SRGAP3: variants seen among roughly 807,000 people sequenced by gnomAD.
The protein encoded by SRGAP3 is SLIT-ROBO Rho GTPase activating protein 3.
SRGAP3 carries 39 observed loss-of-function variants against 121.1 expected under a neutral mutation model. The observed-to-expected ratio is 0.32, with a 90% CI of 0.25 to 0.42. The LOEUF (loss-of-function observed/expected upper bound fraction) is 0.42. SRGAP3 is among the 10% of genes least tolerant of loss of function. The pLI, the probability that SRGAP3 is intolerant of heterozygous loss-of-function variation, is 1.00. For synonymous variants in SRGAP3, 601 were observed against 570.0 expected (o/e 1.05, Z -0.77); for missense variants, 1,213 against 1,470.6 (o/e 0.82, Z 2.86).
In SRGAP3 at chr3:9,315,762, G is replaced by A. The variant is rs73811467; in HGVS notation, n.442+10248C>T. Among the ~76,000 whole-genome samples, 924 of 152,070 alleles carry A rather than the reference G, an allele frequency of 6.1e-3. 10 individuals are homozygous for A. Among genetic ancestry groups the A allele is most frequent in the African/African-American group, 0.021 (878 of 41,460 alleles). On this transcript the variant is annotated intron_variant and non_coding_transcript_variant, in intron 3 of 3. Transcript: ENST00000490889. ...TGCTTAAACCACTGAAAATGTGAGC[G>A]CCTAAATGATGATAATGATTTTTCT...
At chr3:9,178,159 T>G (rs1004531859) in intron 1 of SRGAP3, among the ~76,000 whole-genome samples, 7 of 152,050 alleles carry the variant, frequency 4.6e-5, no homozygotes, top group African/African-American at 1.7e-4. Flanking sequence ...TCTCAGCTAC[T>G]AGGGAGGATG....
chr3:9,354,794 T>C (rs2030404218), intron 1 of SRGAP3, among the ~76,000 whole-genome samples: 1 of 152,128 alleles, frequency 6.6e-6, no homozygotes, highest in South Asian at 2.1e-4. Flanking sequence ...TGTGTCACTA[T>C]ATCTGATATG....
Position 9,013,456 on chromosome 3 carries a change from G to A in SRGAP3, c.1999C>T (p.Pro667Ser). Residue 667 changes from proline to serine, a missense_variant, in exon 17 of 22, where the codon CCT (proline) becomes TCT (serine). By Grantham distance (74) the Pro-to-Ser change is moderately conservative. Transcript: ENST00000383836. ...CAGGACACAGGGTCCTGCCCATCAG[G>A]GATGTGCATGAGGGTAGGCCCGAAG... ...ICFGPTLMHI[P>S]DGQDPVSCQA... is the part of the protein sequence containing the mutation. 6.2e-7 allele frequency: 1 copy of A among 1,614,038 alleles called. No individual in the cohort carries two copies. The highest frequency in any genetic ancestry group is 8.5e-7 in the Non-Finnish European group (1 of 1,179,992).
intron 1 of SRGAP3, among the ~76,000 whole-genome samples, chr3:9,356,426 G>T (rs996213552): frequency 1.4e-5 from 2 of 140,786 alleles, no homozygotes; most frequent in African/African-American, 5.5e-5. Flanking sequence ...AGGCTGGAGT[G>T]CAGTGGCGCA....
intron 3 of SRGAP3, among the ~76,000 whole-genome samples, chr3:9,100,693 A>G (rs1948183212): frequency 6.6e-6 from 1 of 152,214 alleles, no homozygotes; most frequent in Admixed American, 6.5e-5. Flanking sequence ...GCTGACTGAG[A>G]GTTCACTGTG....
chr3:9,353,495 T>C (rs2030310756), intron 1 of SRGAP3, among the ~76,000 whole-genome samples: 1 of 152,226 alleles, frequency 6.6e-6, no homozygotes, highest in Admixed American at 6.5e-5. Context: ...GAAGAATAAA[T>C]TTCATATACA....
intron 18 of SRGAP3, among the ~76,000 whole-genome samples, chr3:8,996,008 C>A (rs1289303146): frequency 2.0e-5 from 3 of 152,152 alleles, no homozygotes; most frequent in Admixed American, 2.0e-4. Flanking sequence ...TATTCATCCA[C>A]CTGTCCATCA....
intron 1 of SRGAP3, among the ~76,000 whole-genome samples, chr3:9,227,986 C>T (rs978638496): frequency 6.6e-6 from 1 of 152,160 alleles, no homozygotes; most frequent in Non-Finnish European, 1.5e-5. Context: ...CCATCACAGA[C>T]ATAGAATGGT....
chr3:9,005,676 T>C (rs967679997), intron 18 of SRGAP3, among the ~76,000 whole-genome samples: 2 of 152,168 alleles, frequency 1.3e-5, no homozygotes, highest in African/African-American at 2.4e-5. Context: ...GTTATATAAT[T>C]CCATTTATAT....
At chr3:9,207,049 T>C (rs952165191) in intron 1 of SRGAP3, among the ~76,000 whole-genome samples, 1 of 152,124 alleles carries the variant, frequency 6.6e-6, no homozygotes, top group African/African-American at 2.4e-5. Flanking sequence ...TGACCAACCA[T>C]CAAGGCTCAG....
intron 1 of SRGAP3, among the ~76,000 whole-genome samples, chr3:9,341,893 C>T (rs1955793802): frequency 6.6e-6 from 1 of 152,074 alleles, no homozygotes; most frequent in Non-Finnish European, 1.5e-5. Flanking sequence ...GTCGGTAAGG[C>T]CAAGAGACAT....
chr3:9,304,876 T>C (rs992835566), intron 3 of SRGAP3, among the ~76,000 whole-genome samples: 1 of 152,298 alleles, frequency 6.6e-6, no homozygotes, highest in East Asian at 1.9e-4. Flanking sequence ...ATCTGACAGA[T>C]ACCATTCTCC....
intron 1 of SRGAP3, among the ~76,000 whole-genome samples, chr3:9,191,054 A>G (rs1442049753): frequency 6.6e-6 from 1 of 152,138 alleles, no homozygotes; most frequent in Non-Finnish European, 1.5e-5. Context: ...TACAGAAAAA[A>G]AAAGAAGTTT....
chr3:8,983,692 A>G lies in SRGAP3; in HGVS notation c.*1827T>C, dbSNP rs1941538324. On this transcript the variant is annotated 3_prime_UTR_variant, in exon 22 of 22. Coordinates refer to ENST00000383836, the MANE Select transcript of SRGAP3 (RefSeq NM_014850.4). ...GCTCTGATCTAAGACTTACCTTACTAATGATAATCACAAACGCATTGTATT... is the reference window on the plus strand; with the variant it reads ...GCTCTGATCTAAGACTTACCTTACTGATGATAATCACAAACGCATTGTATT... 4.3e-6 allele frequency: 1 copy of G among 231,016 alleles called. No individual in the cohort carries two copies. 14.3% of individuals were successfully genotyped at this position (231,016 alleles called of 1,614,324 possible). A position where few individuals can be genotyped will look rare whatever the true frequency, so the allele number is the denominator to read the frequency against.
intron 3 of SRGAP3, among the ~76,000 whole-genome samples, chr3:9,315,563 T>C (rs747923907): frequency 6.6e-6 from 1 of 152,176 alleles, no homozygotes. Context: ...CAATAACCTC[T>C]TACGTGAAGT....
In SRGAP3 at chr3:9,143,214, G is replaced by A. The variant is rs930013564; in HGVS notation, c.68-18297C>T. Among the ~76,000 whole-genome samples, 12 of 152,200 alleles carry A rather than the reference G, an allele frequency of 7.9e-5. No homozygotes were observed. In the East Asian group the frequency reaches 1.7e-3, roughly 22 times the overall value. On this transcript the variant is annotated intron_variant, in intron 1 of 21. Transcript: ENST00000383836. ...GGTTATATGCTCAACAGTCCCATAG[G>A]AATCACCTCTGGGCCAAGGTGCCCA...
At chr3:9,060,457 T>G (rs1268288265) in intron 5 of SRGAP3, 98 bp from the exon 6 acceptor site, 2 of 1,201,106 alleles carry the variant, frequency 1.7e-6, no homozygotes, top group East Asian at 5.2e-5. Context: ...GACAGGGTGT[T>G]GCTCTGTCAC....
intron 9 of SRGAP3, chr3:9,049,214 G>A (rs1945435545): frequency 8.5e-6 from 3 of 353,736 alleles, no homozygotes; most frequent in Admixed American, 7.3e-5. Context: ...TGGGGTAGGG[G>A]CTGACACATA....
intron 1 of SRGAP3, among the ~76,000 whole-genome samples, chr3:9,139,551 G>C (rs1158316816): frequency 6.6e-6 from 1 of 152,238 alleles, no homozygotes; most frequent in Non-Finnish European, 1.5e-5. Flanking sequence ...TTCTCCCCTA[G>C]AGCCGCTGGA....
Sources: gnomAD v4.1 joint callset for allele counts (sites outside exome capture counted in the v4.1 genomes callset) on GRCh38, gnomAD v4.1.1 for gene constraint, MANE v1.5 for transcripts, NCBI Gene and HGNC (gene_info 2026-07-23, HGNC 2026-07-21) for gene names.